The following TTC39A variants were observed in gnomAD, a reference collection of about 807,000 sequenced individuals.
TTC39A encodes the protein tetratricopeptide repeat domain 39A.
In TTC39A, 46 loss-of-function variants were observed where a neutral mutation model predicts 82.3. The ratio of observed to expected loss-of-function variants is 0.56; its 90% CI spans 0.44 to 0.71. The LOEUF is 0.71. TTC39A is among the 30% of genes least tolerant of loss of function. TTC39A has a pLI of 0.00. For synonymous variants in TTC39A, 254 were observed against 275.2 expected (o/e 0.92, Z 0.76); for missense variants, 543 against 712.9 (o/e 0.76, Z 2.71).
At chr1:51,297,244 T>C (rs1644469971) in intron 12 of TTC39A, 1 of 151,536 alleles carries the variant, frequency 6.6e-6, no homozygotes, top group Admixed American at 6.6e-5. Context: ...GTGGTCTCGC[T>C]CTGTCGCCCA....
chr1:51,327,238 C>T (rs561411622), intron 1 of TTC39A, among the ~76,000 whole-genome samples: 12 of 152,284 alleles, frequency 7.9e-5, no homozygotes, highest in African/African-American at 1.4e-4. Context: ...GGCGGCGGAG[C>T]GGTCGCTCAG....
At chr1:51,329,534 G>C (rs1645829506) in intron 1 of TTC39A, 1 of 152,482 alleles carries the variant, frequency 6.6e-6, no homozygotes, top group African/African-American at 2.4e-5. Context: ...AAGCCCTGTG[G>C]AGACTTCCAG....
At position 51,290,500 on chromosome 1, in the gene TTC39A, C is replaced by T; in HGVS notation, c.1378+14G>A. Reference sequence around the variant, plus strand: ...GACCTAGCATGGCAGGCCCAAGGGCCTGAGGGAAGTCACCTGGGCCTTTCT... The same window carrying T: ...GACCTAGCATGGCAGGCCCAAGGGCTTGAGGGAAGTCACCTGGGCCTTTCT... On this transcript the variant is annotated intron_variant, in intron 15 of 17. Coordinates refer to ENST00000680483, the MANE Select transcript of TTC39A (RefSeq NM_001297663.2). 1 of 1,611,676 alleles carries T rather than the reference C, an allele frequency of 6.2e-7. No homozygotes were observed.
At chr1:51,324,748 T>C (rs1326054972) in intron 1 of TTC39A, among the ~76,000 whole-genome samples, 1 of 151,698 alleles carries the variant, frequency 6.6e-6, no homozygotes, top group Non-Finnish European at 1.5e-5. Context: ...GGTATCAAAC[T>C]CCTCAGGTGT....
rs1019526859 is a variant in TTC39A at position 51,321,560 on chromosome 1, C to T, written c.146+161G>A. 2.0e-5 allele frequency among the ~76,000 whole-genome samples: 3 copies of T among 152,162 alleles called. No homozygotes were observed. Among genetic ancestry groups the T allele is most frequent in the Admixed American group, 2.0e-4 (3 of 15,284 alleles). ...GGAGAGGGCCTGGCTGCACACAGGC[C>T]GTGGAATGGAGCTTGAGCCATTTTT... On this transcript the variant is annotated intron_variant, in intron 2 of 17. Coordinates refer to ENST00000680483, the MANE Select transcript of TTC39A (RefSeq NM_001297663.2). This position sits in a 1 kb window ranked among gnomAD's most constrained non-coding sequence, Gnocchi z 4.6.
At position 51,330,392 on chromosome 1, in the gene TTC39A, A is replaced by AGCCCGCGCCGCCCGCGCC. The variant is rs964371003; in HGVS notation, c.41+27_41+44dup. On this transcript the variant is annotated intron_variant, in intron 1 of 17. Transcript: ENST00000680483. This position sits in a 1 kb window ranked among gnomAD's most constrained non-coding sequence, Gnocchi z 4.5. ...GGCGCCCGCCACCTGCCCGGGCCCC[A>AGCCCGCGCCGCCCGCGCC]GCCCGCGCCGCCCGCGCCCCCGGGC... 1.0e-6 allele frequency: 1 copy of AGCCCGCGCCGCCCGCGCC among 971,164 alleles called. No individual in the cohort carries two copies. The highest frequency in any genetic ancestry group is 1.8e-5 in the African/African-American group (1 of 56,272). The allele number at this position is 971,164 out of a possible 1,614,324, so 60.2% of individuals were successfully genotyped here. A position where few individuals can be genotyped will look rare whatever the true frequency, so the allele number is the denominator to read the frequency against.
intron 1 of TTC39A, among the ~76,000 whole-genome samples, chr1:51,322,631 GAAAGC>G (rs2148284278): frequency 6.6e-6 from 1 of 152,272 alleles, no homozygotes; most frequent in Non-Finnish European, 1.5e-5. Flanking sequence ...CTAAGGCTAG[GAAAGC>G]AAACCCCTGA....
upstream of TTC39A, among the ~76,000 whole-genome samples, chr1:51,332,937 G>A (rs1645930858): frequency 6.6e-6 from 1 of 152,112 alleles, no homozygotes; most frequent in Admixed American, 6.5e-5. Flanking sequence ...AGGTGGCTGG[G>A]CATGGTGGCT....
chr1:51,306,872 C>T (rs368244217), intron 6 of TTC39A, among the ~76,000 whole-genome samples: 11 of 129,342 alleles, frequency 8.5e-5, no homozygotes, highest in African/African-American at 2.6e-4. Flanking sequence ...CCCCGCCCCC[C>T]GATTGAGTCA....
At chr1:51,322,096 C>T in intron 1 of TTC39A, 1 of 1,551,718 alleles carries the variant, frequency 6.4e-7, no homozygotes, top group Non-Finnish European at 8.7e-7. Flanking sequence ...TGCAAAGAGG[C>T]CTCAGGAATC....
At chr1:51,305,889 C>T (rs1644848658) in intron 7 of TTC39A, 88 bp downstream of exon 7, 2 of 1,315,496 alleles carry the variant, frequency 1.5e-6, no homozygotes, top group Non-Finnish European at 1.1e-6. Flanking sequence ...GGTGCAGGGG[C>T]ACTTGGCAGT....
intron 8 of TTC39A, among the ~76,000 whole-genome samples, chr1:51,304,235 A>C (rs1355106328): frequency 6.6e-6 from 1 of 152,188 alleles, no homozygotes; most frequent in Non-Finnish European, 1.5e-5. Flanking sequence ...TATCATGCCA[A>C]ATAATATGGA....
rs1217876662 is a variant in TTC39A, at chr1:51,330,503, C to A, written c.-26G>T. 3.0e-6 allele frequency: 3 copies of A among 983,662 alleles called. No homozygotes were observed. The African/African-American group carries it at 5.3e-5, about 17-fold the overall frequency. The allele number at this position is 983,662 out of a possible 1,614,324, so 60.9% of individuals were successfully genotyped here. ...CGCCGAGGGGCGCGGGCGGCGCTGC[C>A]CCAGCCGGACGCCAATCGCGGCCCA... On this transcript the variant is annotated 5_prime_UTR_variant, in exon 1 of 18. Transcript: ENST00000680483. This position sits in a 1 kb window ranked among gnomAD's most constrained non-coding sequence, Gnocchi z 4.5.
chr1:51,306,181 C>G, intron 6 of TTC39A, 105 bp from the exon 7 acceptor site: 1 of 849,862 alleles, frequency 1.2e-6, no homozygotes, highest in East Asian at 2.6e-5. Context: ...GTGGTGGATT[C>G]ATACAGTTCT....
intron 7 of TTC39A, chr1:51,305,720 A>G (rs111937476): frequency 3.8e-6 from 2 of 529,440 alleles, no homozygotes. Context: ...AGGTTCCACC[A>G]TGGTGGATTT....
chr1:51,307,314 T>G (rs1252492227), intron 6 of TTC39A, among the ~76,000 whole-genome samples: 2 of 152,032 alleles, frequency 1.3e-5, no homozygotes, highest in Non-Finnish European at 2.9e-5. Flanking sequence ...TCTAGAAAAA[T>G]TCTAGCATAG....
At chr1:51,343,441 C>T (rs1646061283) in intron 1 of TTC39A, among the ~76,000 whole-genome samples, 1 of 152,216 alleles carries the variant, frequency 6.6e-6, no homozygotes, top group Non-Finnish European at 1.5e-5. Context: ...AGTGATCTTC[C>T]ATCACTCTCC....
chr1:51,315,063 C>T lies in TTC39A; in HGVS notation c.147-2120G>A, dbSNP rs1042897562. On this transcript the variant is annotated intron_variant, in intron 2 of 17. Transcript: ENST00000680483. ...GCCTCTCCATCTCTCAAGTCCTTGT[C>T]TCTCTCTTCCTCTCCCACTGCAGGT... 2.6e-4 allele frequency among the ~76,000 whole-genome samples: 39 copies of T among 152,236 alleles called. 2 individuals are homozygous for T. Among genetic ancestry groups the T allele is most frequent in the African/African-American group, 8.9e-4 (37 of 41,550 alleles).
upstream of TTC39A, chr1:51,331,847 A>T: frequency 4.1e-6 from 4 of 981,128 alleles, no homozygotes; most frequent in Non-Finnish European, 4.8e-6. Flanking sequence ...TTCCTGGAAG[A>T]GGTGGTGACA....
Sources: gnomAD v4.1 joint callset for allele counts (sites outside exome capture counted in the v4.1 genomes callset) on GRCh38, gnomAD v4.1.1 for gene constraint, Gnocchi (gnomAD v3.1) non-coding constraint, MANE v1.5 for transcripts, NCBI Gene and HGNC (gene_info 2026-07-23, HGNC 2026-07-21) for gene names.